The following SMG7 variants were observed in gnomAD, a reference collection of about 807,000 sequenced individuals.
SMG7 encodes the protein nonsense-mediated mRNA decay factor SMG7.
In SMG7, 34 loss-of-function variants were observed where a neutral mutation model predicts 148.2. The ratio of observed to expected loss-of-function variants is 0.23; its 90% CI spans 0.17 to 0.31. The LOEUF is 0.31. Among genes scored for constraint, SMG7 ranks in the 10% least tolerant of loss-of-function variants. The pLI is 1.00. For synonymous variants in SMG7, 492 were observed against 515.1 expected, an observed-to-expected ratio of 0.96 and a Z score of 0.61; for missense variants, 1,114 against 1,408.4, an observed-to-expected ratio of 0.79 and a Z score of 3.35.
Position 183,547,228 on chromosome 1 carries a change from C to T in SMG7, c.2868C>T (p.Ala956=). The T allele has an allele frequency of 6.5e-7, 1 of 1,550,204 alleles. No individual in the cohort carries two copies. The highest frequency in any genetic ancestry group is 1.7e-4 in the Middle Eastern group (1 of 5,964). The change falls in exon 18 of 23, where the codon GCC becomes GCT. Residue 956 remains alanine, a synonymous_variant. Transcript: ENST00000688051. The part of the protein sequence containing the change: ...DLYPALLGPL[A]SLPGRSLFKS... ...ACCCGGCTCTGCTGGGGCCTCTCGC[C>T]TCTCTTCCTGGACGAAGCCTTTTTG... is the stretch of plus-strand genomic sequence containing the variant.
chr1:183,474,690 C>G (rs887685131), intron 1 of SMG7, among the ~76,000 whole-genome samples: 1 of 152,226 alleles, frequency 6.6e-6, no homozygotes, highest in Non-Finnish European at 1.5e-5. Context: ...TTCATGTACT[C>G]ATGATTCATT....
rs770630055 is a variant in SMG7 at position 183,541,074 on chromosome 1, A to G, written c.1386A>G (p.Ile462Met). ...TACGACAGCAACGCTTGATCTCTAT[A>G]GGCAAATGGATTGCTGATAATCAGC... ...RRIRQQRLIS[I>M]GKWIADNQPR... Residue 462 changes from isoleucine (I) to methionine (M), a missense_variant, in exon 13 of 23, where the codon ATA becomes ATG. Coordinates refer to ENST00000688051, the MANE Select transcript of SMG7 (RefSeq NM_001375584.1). The G allele has an allele frequency of 4.3e-6, 7 of 1,613,638 alleles. No individual in the cohort carries two copies. The highest frequency in any genetic ancestry group is 5.9e-6 in the Non-Finnish European group (7 of 1,179,544).
intron 1 of SMG7, among the ~76,000 whole-genome samples, chr1:183,479,195 C>G (rs1299368740): frequency 6.6e-6 from 1 of 152,062 alleles, no homozygotes; most frequent in African/African-American, 2.4e-5. Context: ...TTAGGAATCT[C>G]AAGTAGACTA....
At chr1:183,542,916 A>AATAT (rs557188491) in intron 14 of SMG7, among the ~76,000 whole-genome samples, 74 of 124,252 alleles carry the variant, frequency 6.0e-4, no homozygotes, top group Non-Finnish European at 3.5e-5. Context: ...GATTCACTAT[A>AATAT]ATATATATAT....
intron 12 of SMG7, among the ~76,000 whole-genome samples, chr1:183,540,071 T>G (rs1668529999): frequency 6.6e-6 from 1 of 152,192 alleles, no homozygotes; most frequent in Non-Finnish European, 1.5e-5. Context: ...ATTTATAAAC[T>G]CTATACACTA....
chr1:183,472,770 C>T (rs989422313), intron 1 of SMG7, 121 bp downstream of exon 1: 6 of 945,372 alleles, frequency 6.3e-6, no homozygotes, highest in Non-Finnish European at 8.7e-6. Flanking sequence ...CCTCGCCGGG[C>T]AGGTCGGCGG....
At chr1:183,475,680 A>G (rs933115133) in intron 1 of SMG7, among the ~76,000 whole-genome samples, 7 of 152,212 alleles carry the variant, frequency 4.6e-5, no homozygotes, top group South Asian at 2.1e-4. Context: ...GGTCCTGAAT[A>G]AGGTACTGGC....
At chr1:183,516,351 AAAATCTTTCTTT>A in intron 3 of SMG7, among the ~76,000 whole-genome samples, 1 of 152,350 alleles carries the variant, frequency 6.6e-6, no homozygotes, top group South Asian at 2.1e-4. Context: ...AGGCTTTAGA[AAAATCTTTCTTT>A]GTTAAACGTG....
chr1:183,534,610 C>T (rs962795603), intron 10 of SMG7, among the ~76,000 whole-genome samples: 3 of 152,200 alleles, frequency 2.0e-5, no homozygotes, highest in Non-Finnish European at 4.4e-5. Context: ...CCTGTAATCC[C>T]AGCACTTGGG....
At chr1:183,522,472 A>C (rs1167420742) in intron 4 of SMG7, among the ~76,000 whole-genome samples, 1 of 152,234 alleles carries the variant, frequency 6.6e-6, no homozygotes, top group African/African-American at 2.4e-5. Context: ...TAGGTTTGAC[A>C]ACATGAAAGT....
chr1:183,490,021 T>C (rs1294233294), intron 1 of SMG7, among the ~76,000 whole-genome samples: 1 of 152,220 alleles, frequency 6.6e-6, no homozygotes, highest in South Asian at 2.1e-4. Context: ...TCTTGGGATA[T>C]GGCCCAGCAA....
At position 183,545,389 on chromosome 1, in the gene SMG7, C is replaced by T; in HGVS notation, c.2370+77C>T. On this transcript the variant is annotated intron_variant, in intron 16 of 22. Transcript: ENST00000688051. ...TGAAAGATTCAATGTTAGAAATGCT[C>T]ATTAAACTTTGACATACTTCTTGCT... 2.7e-6 allele frequency: 4 copies of T among 1,478,918 alleles called. No individual in the cohort carries two copies. The Admixed American group carries it at 7.6e-5, about 28-fold the overall frequency. The allele number at this position is 1,478,918 out of a possible 1,614,324, so 91.6% of individuals were successfully genotyped here.
chr1:183,485,286 CAT>C (rs1185649061), intron 1 of SMG7, among the ~76,000 whole-genome samples: 1 of 152,050 alleles, frequency 6.6e-6, no homozygotes, highest in Non-Finnish European at 1.5e-5. Context: ...TTATATAAAA[CAT>C]AATGTAATAT....
At chr1:183,547,830 A>G in intron 18 of SMG7, among the ~76,000 whole-genome samples, 1 of 152,220 alleles carries the variant, frequency 6.6e-6, no homozygotes, top group East Asian at 1.9e-4. Flanking sequence ...ATAAATGAGT[A>G]AATATGAAAA....
chr1:183,481,468 C>G (rs1654092973), intron 1 of SMG7, among the ~76,000 whole-genome samples: 1 of 152,152 alleles, frequency 6.6e-6, no homozygotes, highest in Non-Finnish European at 1.5e-5. Context: ...TGACTTATCT[C>G]TGCAGCTAGA....
At chr1:183,489,102 A>T (rs1263774617) in intron 1 of SMG7, among the ~76,000 whole-genome samples, 1 of 152,186 alleles carries the variant, frequency 6.6e-6, no homozygotes, top group East Asian at 1.9e-4. Context: ...CAATAGGCTT[A>T]ATTAACCCTC....
intron 1 of SMG7, 109 bp from the exon 2 acceptor site, chr1:183,512,728 C>T (rs980169860): frequency 9.8e-7 from 1 of 1,016,862 alleles, no homozygotes; most frequent in Non-Finnish European, 1.4e-6. Context: ...GCTGTATATC[C>T]TTATCGTAGT....
chr1:183,535,953 T>G (rs913082140), intron 10 of SMG7, among the ~76,000 whole-genome samples: 1 of 152,120 alleles, frequency 6.6e-6, no homozygotes, highest in Non-Finnish European at 1.5e-5. Flanking sequence ...TATTTGTTTA[T>G]ATATTTTTAA....
rs182282733 is a variant in SMG7, at chr1:183,486,584, T to C, written c.29+13935T>C. 2.4e-3 allele frequency among the ~76,000 whole-genome samples: 365 copies of C among 150,164 alleles called. 1 individual carries two copies. Among genetic ancestry groups the C allele is most frequent in the African/African-American group, 8.2e-3 (334 of 40,674 alleles). ...CGCCACCACGCCTGGCCGATTTTTGTGTTTTTAGTAGAGATGGGGTGTCAC... is the reference window on the plus strand; with the variant it reads ...CGCCACCACGCCTGGCCGATTTTTGCGTTTTTAGTAGAGATGGGGTGTCAC... On this transcript the variant is annotated intron_variant, in intron 1 of 22. Transcript: ENST00000688051.
Sources: gnomAD v4.1 joint callset for allele counts (sites outside exome capture counted in the v4.1 genomes callset) on GRCh38, gnomAD v4.1.1 for gene constraint, MANE v1.5 for transcripts, NCBI Gene and HGNC (gene_info 2026-07-23, HGNC 2026-07-21) for gene names.